Variants in KATNIP observed in about 807,000 individuals in gnomAD.
The protein encoded by KATNIP is katanin interacting protein.
A neutral mutation model predicts 174.0 loss-of-function variants in KATNIP; 126 were observed. That is an observed-to-expected ratio of 0.72 (90% confidence interval 0.63 to 0.84). KATNIP has a LOEUF of 0.84. Ranked by LOEUF, KATNIP falls within the 40% of genes least tolerant of loss-of-function variation. The pLI is 0.00. For missense variants in KATNIP, 1,958 were observed against 2,109.7 expected, an observed-to-expected ratio of 0.93 and a Z score of 1.41; for synonymous variants, 810 against 835.7, an observed-to-expected ratio of 0.97 and a Z score of 0.53.
intron 19 of KATNIP, 110 bp from the exon 20 acceptor site, chr16:27,766,199 T>C (rs2082116793): frequency 4.1e-5 from 46 of 1,125,844 alleles, no homozygotes; most frequent in Non-Finnish European, 5.5e-5. Context: ...ACAGCCAGGC[T>C]AGTGCCAGGC....
intron 6 of KATNIP, among the ~76,000 whole-genome samples, chr16:27,671,901 C>G (rs1363038284): frequency 1.3e-5 from 2 of 151,930 alleles, no homozygotes; most frequent in African/African-American, 4.8e-5. Flanking sequence ...ACTAAAAATA[C>G]AAAAATCAGC....
intron 3 of KATNIP, 174 bp from the exon 4 acceptor site, chr16:27,628,487 A>G (rs756121796): frequency 4.2e-4 from 273 of 652,016 alleles, no homozygotes; most frequent in Non-Finnish European, 6.7e-4. Flanking sequence ...TGGCTTCTCT[A>G]AGTGGGTAAT....
intron 2 of KATNIP, among the ~76,000 whole-genome samples, chr16:27,586,365 TGG>T (rs1360582931): frequency 6.6e-6 from 1 of 152,048 alleles, no homozygotes; most frequent in Non-Finnish European, 1.5e-5. Flanking sequence ...CCTAGCATTT[TGG>T]GAGGCTTAGG....
intron 22 of KATNIP, 90 bp downstream of exon 22, chr16:27,771,742 C>T: frequency 7.5e-7 from 1 of 1,339,180 alleles, no homozygotes; most frequent in Non-Finnish European, 1.1e-6. Context: ...CAGGCGGCCA[C>T]AGATGAGGCA....
chr16:27,703,950 T>C lies in KATNIP; in HGVS notation c.1341T>C (p.His447=), dbSNP rs758831176. 10 of 1,614,220 alleles carry C rather than the reference T, an allele frequency of 6.2e-6. No individual in the cohort carries two copies. Among genetic ancestry groups the C allele is most frequent in the Non-Finnish European group, 7.6e-6 (9 of 1,180,038 alleles). Reference sequence around the variant, plus strand: ...AGGCCGTCGAAAGTGACTCTGCCCATCTCGGCAGGGTGGTTTCACCAACCA... The same window carrying C: ...AGGCCGTCGAAAGTGACTCTGCCCACCTCGGCAGGGTGGTTTCACCAACCA... The part of the protein sequence containing the change: ...VLQAVESDSA[H]LGRVVSPTKE... The change falls in exon 12 of 28, where the codon CAT becomes CAC. Residue 447 remains histidine, a synonymous_variant. Coordinates refer to ENST00000261588, the MANE Select transcript of KATNIP (RefSeq NM_015202.5).
chr16:27,706,320 G>A (rs1021241944), intron 12 of KATNIP, among the ~76,000 whole-genome samples: 3 of 152,192 alleles, frequency 2.0e-5, no homozygotes, highest in African/African-American at 7.2e-5. Flanking sequence ...CCTGTGCTGG[G>A]GTGCTTGCCT....
Position 27,698,374 on chromosome 16 carries a change from T to A in KATNIP, c.987T>A (p.Thr329=). The A allele has an allele frequency of 6.2e-7, 1 of 1,612,634 alleles. No homozygotes were observed. The highest frequency in any genetic ancestry group is 8.5e-7 in the Non-Finnish European group (1 of 1,179,320). The change falls in exon 9 of 28, where the codon ACT becomes ACA. Residue 329 remains threonine, a synonymous_variant. Coordinates refer to ENST00000261588, the MANE Select transcript of KATNIP (RefSeq NM_015202.5). ...GACCCCTGTCTGCAACCCGCAAAACTCTTTGCGAGGCTGAGTACCCAGAGG... is the reference window on the plus strand; with the variant it reads ...GACCCCTGTCTGCAACCCGCAAAACACTTTGCGAGGCTGAGTACCCAGAGG... ...RERPLSATRK[T]LCEAEYPEED... is the part of the protein sequence containing the mutation.
intron 14 of KATNIP, among the ~76,000 whole-genome samples, chr16:27,736,841 T>C (rs1403312530): frequency 6.6e-6 from 1 of 151,794 alleles, no homozygotes; most frequent in African/African-American, 2.4e-5. Context: ...AGAGACCAAC[T>C]AGGAGGCGAT....
At chr16:27,687,038 C>T (rs1027115335) in intron 8 of KATNIP, 5 of 152,088 alleles carry the variant, frequency 3.3e-5, no homozygotes, top group South Asian at 2.1e-4. Context: ...AATTTGGATT[C>T]GCCCACATTG....
At chr16:27,673,587 G>C (rs1387921850) in intron 6 of KATNIP, among the ~76,000 whole-genome samples, 1 of 152,086 alleles carries the variant, frequency 6.6e-6, no homozygotes, top group Non-Finnish European at 1.5e-5. Context: ...TTGTTGTGGG[G>C]CTGTCCTGGA....
chr16:27,602,442 C>T (rs1265569820), intron 2 of KATNIP, among the ~76,000 whole-genome samples: 1 of 152,186 alleles, frequency 6.6e-6, no homozygotes, highest in East Asian at 1.9e-4. Context: ...AGCTCTTCCC[C>T]AGATGTGCTG....
At chr16:27,562,224 TGAAGCCCA>T (rs2089911383) in intron 1 of KATNIP, among the ~76,000 whole-genome samples, 2 of 152,172 alleles carry the variant, frequency 1.3e-5, no homozygotes, top group Non-Finnish European at 2.9e-5. Context: ...GGCGGATCAC[TGAAGCCCA>T]GAAGGTTGAA....
intron 6 of KATNIP, among the ~76,000 whole-genome samples, chr16:27,649,094 TC>T (rs2077048239): frequency 6.6e-6 from 1 of 152,168 alleles, no homozygotes; most frequent in Admixed American, 6.5e-5. Context: ...TTGTCCTGGG[TC>T]CTAAAAGCTG....
intron 2 of KATNIP, among the ~76,000 whole-genome samples, chr16:27,599,192 C>T (rs555748969): frequency 6.6e-6 from 1 of 152,174 alleles, no homozygotes; most frequent in Non-Finnish European, 1.5e-5. Flanking sequence ...GGGGAGAAGC[C>T]AGCCTGGGAT....
chr16:27,715,331 C>A (rs1257716108), intron 13 of KATNIP, among the ~76,000 whole-genome samples: 1 of 152,178 alleles, frequency 6.6e-6, no homozygotes, highest in African/African-American at 2.4e-5. Context: ...AACTTTCAAA[C>A]TCTTAGAAGA....
At chr16:27,567,364 C>T (rs2090129709) in intron 1 of KATNIP, among the ~76,000 whole-genome samples, 1 of 152,224 alleles carries the variant, frequency 6.6e-6, no homozygotes, top group African/African-American at 2.4e-5. Context: ...CACAGTGGCT[C>T]ACGCCTATAA....
intron 2 of KATNIP, among the ~76,000 whole-genome samples, chr16:27,578,578 G>A (rs1327517516): frequency 6.6e-6 from 1 of 151,772 alleles, no homozygotes; most frequent in Non-Finnish European, 1.5e-5. Flanking sequence ...GAAAGGTTAC[G>A]GTCATTTCTT....
rs76648435 is a variant in KATNIP at position 27,743,336 on chromosome 16, G to T, written c.2623+2416G>T. On this transcript the variant is annotated intron_variant, in intron 15 of 27. Coordinates refer to ENST00000261588, the MANE Select transcript of KATNIP (RefSeq NM_015202.5). ...ATTCAAATCGGCATCTTCTGTATTAGGGAGTGTCTAGCAGATATACCCCTG... is the reference window on the plus strand; with the variant it reads ...ATTCAAATCGGCATCTTCTGTATTATGGAGTGTCTAGCAGATATACCCCTG... 6.7e-3 allele frequency among the ~76,000 whole-genome samples: 1,021 copies of T among 152,130 alleles called. 7 individuals are homozygous for T. The highest frequency in any genetic ancestry group is 0.023 in the African/African-American group (967 of 41,520).
chr16:27,677,469 C>G (rs1006927035), intron 6 of KATNIP, among the ~76,000 whole-genome samples: 8 of 151,974 alleles, frequency 5.3e-5, no homozygotes, highest in African/African-American at 1.9e-4. Context: ...TGCACTCCCC[C>G]CCACCCCACC....
Sources: gnomAD v4.1 joint callset for allele counts (sites outside exome capture counted in the v4.1 genomes callset) on GRCh38, gnomAD v4.1.1 for gene constraint, MANE v1.5 for transcripts, NCBI Gene and HGNC (gene_info 2026-07-23, HGNC 2026-07-21) for gene names.